Variants in CRYBG1 observed in about 807,000 individuals in gnomAD.
CRYBG1 encodes the protein crystallin beta-gamma domain containing 1, also known as beta/gamma crystallin domain-containing protein 1.
A neutral mutation model predicts 189.2 loss-of-function variants in CRYBG1; 139 were observed. That is an observed-to-expected ratio of 0.73 (90% CI 0.64 to 0.85). The LOEUF is 0.85. CRYBG1 is among the 40% of genes least tolerant of loss of function. The pLI is 0.00. For synonymous variants in CRYBG1, 1,023 were observed against 1,017.1 expected, an observed-to-expected ratio of 1.01 and a Z score of -0.11; for missense variants, 2,611 against 2,675.8, an observed-to-expected ratio of 0.98 and a Z score of 0.53.
At chr6:106,529,791 C>T (rs200960266) in intron 7 of CRYBG1, among the ~76,000 whole-genome samples, 1 of 152,138 alleles carries the variant, frequency 6.6e-6, no homozygotes, top group African/African-American at 2.4e-5. Context: ...AGGAAGACTC[C>T]AAGAGCAGCC....
At chr6:106,556,148 A>G (rs2114591266) in intron 17 of CRYBG1, among the ~76,000 whole-genome samples, 1 of 152,284 alleles carries the variant, frequency 6.6e-6, no homozygotes, top group South Asian at 2.1e-4. Context: ...CTTGGACTAT[A>G]TATTAGGAGT....
intron 1 of CRYBG1, among the ~76,000 whole-genome samples, chr6:106,377,938 A>T (rs1770203782): frequency 6.6e-6 from 1 of 152,180 alleles, no homozygotes; most frequent in African/African-American, 2.4e-5. Flanking sequence ...CTCAGTTACA[A>T]ATTAGGTGAC....
At position 106,558,600 on chromosome 6, in the gene CRYBG1, C is replaced by T. The variant is rs189629498; in HGVS notation, c.5830C>T (p.Arg1944Cys). 3.4e-5 allele frequency: 54 copies of T among 1,611,928 alleles called. No individual in the cohort carries two copies. Among genetic ancestry groups the T allele is most frequent in the South Asian group, 4.4e-5 (4 of 90,470 alleles). ...LRSLGFNTQI[R>C]SVQVIGGIWV... ...ATCCCTGGGATTCAACACACAAATA[C>T]GCTCTGTTCAGGTTATTGGTGGCAT... The change falls in exon 18 of 22, where the codon CGC becomes TGC. Residue 1944 changes from arginine (R) to cysteine (C), a missense_variant. This residue lies in a region of CRYBG1 where 1,622 missense variants were observed against 1,735.0 expected (regional missense o/e 0.93). Coordinates refer to ENST00000633556, the MANE Select transcript of CRYBG1 (RefSeq NM_001371242.2).
In CRYBG1 at chr6:106,480,997, G is replaced by A. The variant is rs1772439545; in HGVS notation, c.312+29165G>A. Reference sequence around the variant, plus strand: ...TTTTTTTTTTTTTTTTTTTTTAGACGGAGTCTCGCTCTGTCGCCCAGGCTG... The same window carrying A: ...TTTTTTTTTTTTTTTTTTTTTAGACAGAGTCTCGCTCTGTCGCCCAGGCTG... On this transcript the variant is annotated intron_variant, in intron 2 of 21. Coordinates refer to ENST00000633556, the MANE Select transcript of CRYBG1 (RefSeq NM_001371242.2). 8.3e-5 allele frequency among the ~76,000 whole-genome samples: 2 copies of A among 24,110 alleles called. 1 individual carries two copies. Among genetic ancestry groups the A allele is most frequent in the Non-Finnish European group, 1.2e-4 (2 of 16,420 alleles). The allele number at this position is 24,110 out of a possible 152,430, so 15.8% of individuals were successfully genotyped here. A position where few individuals can be genotyped will look rare whatever the true frequency, so the allele number is the denominator to read the frequency against.
chr6:106,569,467 C>T lies in CRYBG1; in HGVS notation c.*901C>T, dbSNP rs1268830811. 4 of 152,140 alleles carry T rather than the reference C, an allele frequency of 2.6e-5. No homozygotes were observed. The highest frequency in any genetic ancestry group is 9.7e-5 in the African/African-American group (4 of 41,436). The allele number at this position is 152,140 out of a possible 1,614,324, so 9.4% of individuals were successfully genotyped here. On this transcript the variant is annotated 3_prime_UTR_variant, in exon 22 of 22. Coordinates refer to ENST00000633556, the MANE Select transcript of CRYBG1 (RefSeq NM_001371242.2). ...CGAACCTCTGGGCTCAAGCAATTCACTCGCCTCGGCCTCCCAAAATGCTGG... is the reference window on the plus strand; with the variant it reads ...CGAACCTCTGGGCTCAAGCAATTCATTCGCCTCGGCCTCCCAAAATGCTGG...
intron 1 of CRYBG1, chr6:106,449,425 G>A (rs1264368409): frequency 6.6e-6 from 1 of 152,444 alleles, no homozygotes; most frequent in Non-Finnish European, 1.5e-5. Context: ...TCTGATGTCA[G>A]AAGCTAAGCA....
intron 21 of CRYBG1, among the ~76,000 whole-genome samples, chr6:106,564,861 T>A (rs1192393188): frequency 1.4e-5 from 2 of 144,530 alleles, no homozygotes; most frequent in African/African-American, 5.5e-5. Flanking sequence ...AGCACAATTG[T>A]GTTTTGTAGC....
In CRYBG1 at chr6:106,512,787, C is replaced by T. The variant is rs1773321688; in HGVS notation, c.1670C>T (p.Ala557Val). The T allele has an allele frequency of 1.9e-6, 3 of 1,581,768 alleles. No homozygotes were observed. In the African/African-American group the frequency reaches 4.0e-5, roughly 21 times the overall value. The change falls in exon 3 of 22, where the codon GCC becomes GTC. Residue 557 changes from alanine to valine, a missense_variant. Physicochemically the swap from Ala to Val is moderately conservative, Grantham distance 64. This residue lies in a region of CRYBG1 where 985 missense variants were observed against 924.4 expected (regional missense o/e 1.07). Transcript: ENST00000633556. ...DPSPVTKGTA[A>V]ESGEEAARAI... ...AGCCCAGTCACCAAGGGCACTGCGG[C>T]CGAGAGCGGGGAGGAGGCGGCGCGG... is the stretch of plus-strand genomic sequence containing the variant.
At chr6:106,503,146 G>T (rs1582800847) in intron 2 of CRYBG1, among the ~76,000 whole-genome samples, 1 of 152,244 alleles carries the variant, frequency 6.6e-6, no homozygotes, top group Non-Finnish European at 1.5e-5. Context: ...CCAACCCAGA[G>T]CCCAACTAAG....
At chr6:106,389,067 A>C (rs1486455532) in intron 1 of CRYBG1, among the ~76,000 whole-genome samples, 2 of 152,294 alleles carry the variant, frequency 1.3e-5, no homozygotes, top group Non-Finnish European at 2.9e-5. Context: ...TCAGCTCAGT[A>C]CTGAAGTGAC....
At chr6:106,542,918 G>A in intron 10 of CRYBG1, among the ~76,000 whole-genome samples, 1 of 149,318 alleles carries the variant, frequency 6.7e-6, no homozygotes, top group Non-Finnish European at 1.5e-5. Flanking sequence ...CAAAGTGCTG[G>A]AATTACAGGT....
chr6:106,508,306 G>GA (rs11410622), intron 2 of CRYBG1, among the ~76,000 whole-genome samples: 71,684 of 152,200 alleles, frequency 0.47, 17,509 homozygotes, highest in East Asian at 0.62. Context: ...TTCCCAGGGG[G>GA]AAAACTCTGT....
chr6:106,385,478 T>TG (rs1187471965), intron 1 of CRYBG1, among the ~76,000 whole-genome samples: 2 of 152,192 alleles, frequency 1.3e-5, no homozygotes, highest in Non-Finnish European at 2.9e-5. Context: ...ACTCTGTCCA[T>TG]GCATATACTG....
At chr6:106,432,836 C>CT (rs1378291048) in intron 1 of CRYBG1, among the ~76,000 whole-genome samples, 1 of 111,004 alleles carries the variant, frequency 9.0e-6, no homozygotes, top group Non-Finnish European at 1.9e-5. Flanking sequence ...TTTTTCTTTT[C>CT]TTTCTTTTTT....
At chr6:106,466,673 G>A (rs1411459892) in intron 2 of CRYBG1, among the ~76,000 whole-genome samples, 1 of 152,202 alleles carries the variant, frequency 6.6e-6, no homozygotes, top group Admixed American at 6.5e-5. Flanking sequence ...ATTTAATACT[G>A]TGTTGTTCTT....
chr6:106,427,890 A>G (rs1272171013), intron 1 of CRYBG1, among the ~76,000 whole-genome samples: 1 of 151,764 alleles, frequency 6.6e-6, no homozygotes, highest in African/African-American at 2.4e-5. Flanking sequence ...GGCCTTTTTC[A>G]CTTTCTGGAC....
At chr6:106,431,841 G>A (rs1443942192) in intron 1 of CRYBG1, among the ~76,000 whole-genome samples, 2 of 152,040 alleles carry the variant, frequency 1.3e-5, no homozygotes, top group African/African-American at 4.8e-5. Context: ...ATTCTATCAA[G>A]GCTAACATCT....
At chr6:106,481,857 A>G (rs1772467777) in intron 2 of CRYBG1, among the ~76,000 whole-genome samples, 1 of 152,164 alleles carries the variant, frequency 6.6e-6, no homozygotes, top group South Asian at 2.1e-4. Flanking sequence ...CATGCCTGCC[A>G]TTAGTCCTGG....
At chr6:106,564,791 C>A (rs1016165272) in intron 21 of CRYBG1, among the ~76,000 whole-genome samples, 6 of 152,176 alleles carry the variant, frequency 3.9e-5, no homozygotes, top group African/African-American at 1.4e-4. Flanking sequence ...GTGTTCATGT[C>A]ATCTGGGGTA....
Sources: gnomAD v4.1 joint callset for allele counts (sites outside exome capture counted in the v4.1 genomes callset) on GRCh38, gnomAD v4.1.1 for gene constraint, gnomAD v4.1.1 regional missense constraint, MANE v1.5 for transcripts, NCBI Gene and HGNC (gene_info 2026-07-23, HGNC 2026-07-21) for gene names.